The following POLR2B variants were observed in gnomAD, a reference collection of about 807,000 sequenced individuals.
POLR2B encodes the protein RNA polymerase II subunit B.
POLR2B carries 57 observed loss-of-function variants against 144.6 expected under a neutral mutation model. The observed-to-expected ratio is 0.39, with a 90% confidence interval of 0.32 to 0.49. The LOEUF (loss-of-function observed/expected upper bound fraction) is 0.49, where lower values mean the gene tolerates loss of function less well. Among genes scored for constraint, POLR2B ranks in the 20% least tolerant of loss-of-function variants. The probability of loss-of-function intolerance (pLI) is 0.83; values close to 1 mark genes in which losing one functional copy is unlikely to be tolerated. For synonymous variants in POLR2B, 442 were observed against 469.8 expected (o/e 0.94, Z 0.77); for missense variants, 595 against 1,467.4 (o/e 0.41, Z 9.71).
intron 16 of POLR2B, among the ~76,000 whole-genome samples, chr4:57,018,338 A>T (rs1242738613): frequency 1.3e-5 from 2 of 152,212 alleles, no homozygotes; most frequent in Non-Finnish European, 2.9e-5. Context: ...TTGCAGTAGT[A>T]TAAATGTGAA....
At chr4:57,002,510 G>A (rs1240665059) in intron 7 of POLR2B, among the ~76,000 whole-genome samples, 1 of 151,750 alleles carries the variant, frequency 6.6e-6, no homozygotes, top group Non-Finnish European at 1.5e-5. Flanking sequence ...GTACATTATT[G>A]TTATTCCTTT....
chr4:56,995,238 A>T lies in POLR2B; in HGVS notation c.577-13A>T, dbSNP rs1290723566. Reference sequence around the variant, plus strand: ...TGGATTTTATGGCTGTAACTTTCTTATTGTCCAAATAGGTTCTGATTGCCC... The same window carrying T: ...TGGATTTTATGGCTGTAACTTTCTTTTTGTCCAAATAGGTTCTGATTGCCC... On this transcript the variant is annotated splice_polypyrimidine_tract_variant and intron_variant, in intron 5 of 24. Coordinates refer to ENST00000314595, the MANE Select transcript of POLR2B (RefSeq NM_000938.3). 1 of 1,584,980 alleles carries T rather than the reference A, an allele frequency of 6.3e-7. No homozygotes were observed. The highest frequency in any genetic ancestry group is 8.6e-7 in the Non-Finnish European group (1 of 1,161,306).
At chr4:57,005,555 C>T in intron 8 of POLR2B, 45 bp from the exon 9 acceptor site, 1 of 1,543,248 alleles carries the variant, frequency 6.5e-7, no homozygotes, top group Non-Finnish European at 8.7e-7. Context: ...AAGTCCAAAA[C>T]TAAGTGTTTT....
chr4:56,988,578 C>T (rs774487267), intron 2 of POLR2B, among the ~76,000 whole-genome samples: 1 of 151,982 alleles, frequency 6.6e-6, no homozygotes, highest in African/African-American at 2.4e-5. Context: ...TGATGGTGAC[C>T]TTTGATTCCA....
intron 13 of POLR2B, among the ~76,000 whole-genome samples, chr4:57,013,841 C>G (rs918348425): frequency 2.6e-5 from 4 of 151,764 alleles, no homozygotes; most frequent in African/African-American, 9.7e-5. Flanking sequence ...GGTGTGGTGG[C>G]TCATGCCTGT....
At chr4:56,990,392 AT>A (rs1722477687) in intron 2 of POLR2B, among the ~76,000 whole-genome samples, 1 of 152,000 alleles carries the variant, frequency 6.6e-6, no homozygotes, top group Non-Finnish European at 1.5e-5. Context: ...TGCCTGGCTA[AT>A]TTTTTTCTTA....
chr4:56,996,262 G>GTGTGTGTGTGTGTGTGTA (rs1553910008), intron 6 of POLR2B, among the ~76,000 whole-genome samples: 1 of 88,890 alleles, frequency 1.1e-5, no homozygotes, highest in Non-Finnish European at 1.9e-5. Flanking sequence ...GTGTGTGTGT[G>GTGTGTGTGTGTGTGTGTA]TATATATATA....
At chr4:57,016,374 C>T (rs1006112172) in intron 14 of POLR2B, among the ~76,000 whole-genome samples, 26 of 151,700 alleles carry the variant, frequency 1.7e-4, no homozygotes, top group African/African-American at 6.1e-4. Context: ...TATTGAGACT[C>T]CCATCTCTCC....
chr4:57,009,261 C>G (rs1260700219), intron 10 of POLR2B, among the ~76,000 whole-genome samples: 1 of 152,146 alleles, frequency 6.6e-6, no homozygotes, highest in African/African-American at 2.4e-5. Context: ...TATCATTTCA[C>G]CAGGCAGAGC....
chr4:57,028,930 A>G (rs1349451775), intron 23 of POLR2B, among the ~76,000 whole-genome samples: 1 of 152,178 alleles, frequency 6.6e-6, no homozygotes, highest in East Asian at 1.9e-4. Flanking sequence ...AGTGTCTCAT[A>G]AGTCCTTTTT....
intron 6 of POLR2B, among the ~76,000 whole-genome samples, chr4:56,999,144 C>T (rs1478328460): frequency 6.6e-6 from 1 of 151,312 alleles, no homozygotes; most frequent in Non-Finnish European, 1.5e-5. Flanking sequence ...CACAGACCAG[C>T]TCTGATTTAA....
chr4:57,008,755 T>C (rs79388796), intron 10 of POLR2B, among the ~76,000 whole-genome samples: 5,257 of 152,310 alleles, frequency 0.035, 326 homozygotes, highest in African/African-American at 0.12. Flanking sequence ...CTGAACTGAA[T>C]CTTGAAGAGT....
intron 2 of POLR2B, among the ~76,000 whole-genome samples, chr4:56,988,730 T>C (rs976076971): frequency 7.2e-5 from 11 of 152,208 alleles, no homozygotes; most frequent in Non-Finnish European, 1.3e-4. Flanking sequence ...GACTAAACTT[T>C]ACTGAGACAG....
intron 7 of POLR2B, among the ~76,000 whole-genome samples, chr4:57,004,552 A>G (rs1317698537): frequency 6.6e-6 from 1 of 152,162 alleles, no homozygotes; most frequent in Non-Finnish European, 1.5e-5. Context: ...TTTTAATACC[A>G]AAACTGAAAA....
chr4:56,987,737 A>G (rs998716915), intron 2 of POLR2B, among the ~76,000 whole-genome samples: 1 of 152,006 alleles, frequency 6.6e-6, no homozygotes, highest in Non-Finnish European at 1.5e-5. Flanking sequence ...CAAAAATTAG[A>G]TGGGTGTGGT....
intron 3 of POLR2B, 32 bp downstream of exon 3, chr4:56,990,930 AG>A: frequency 6.3e-7 from 1 of 1,577,626 alleles, no homozygotes; most frequent in Non-Finnish European, 8.6e-7. Flanking sequence ...CACAGGTACA[AG>A]AAGCGTATTG....
At chr4:56,985,228 T>G in intron 1 of POLR2B, 2 of 755,738 alleles carry the variant, frequency 2.6e-6, no homozygotes, top group African/African-American at 1.9e-5. Context: ...ACAAAAAAAA[T>G]TTTATTTTAT....
At chr4:56,989,526 C>A (rs557747899) in intron 2 of POLR2B, among the ~76,000 whole-genome samples, 1 of 152,282 alleles carries the variant, frequency 6.6e-6, no homozygotes, top group Admixed American at 6.5e-5. Flanking sequence ...GTTGGCCTGT[C>A]ACTGATGTGC....
chr4:56,986,222 T>C, intron 1 of POLR2B, 132 bp from the exon 2 acceptor site: 1 of 750,776 alleles, frequency 1.3e-6, no homozygotes, highest in South Asian at 1.4e-5. Context: ...ATTGAAATTT[T>C]AGAAAAGTGG....
Sources: gnomAD v4.1 joint callset for allele counts (sites outside exome capture counted in the v4.1 genomes callset) on GRCh38, gnomAD v4.1.1 for gene constraint, MANE v1.5 for transcripts, NCBI Gene and HGNC (gene_info 2026-07-23, HGNC 2026-07-21) for gene names.